The following GOSR2 variants were observed in gnomAD, a reference collection of about 807,000 sequenced individuals.
The protein encoded by GOSR2 is 27 kDa Golgi SNARE protein.
GOSR2 carries 20 observed loss-of-function variants against 27.9 expected under a neutral mutation model. The observed-to-expected ratio is 0.72, with a 90% confidence interval of 0.50 to 1.04. GOSR2 has a LOEUF of 1.04. GOSR2 is among the 50% of genes least tolerant of loss of function. The pLI, the probability that GOSR2 is intolerant of heterozygous loss-of-function variation, is 0.00. For synonymous variants in GOSR2, 91 were observed against 98.8 expected (o/e 0.92, Z 0.47); for missense variants, 261 against 270.5 (o/e 0.97, Z 0.25).
intron 6 of GOSR2, among the ~76,000 whole-genome samples, chr17:46,947,770 GT>G (rs908590717): frequency 2.0e-5 from 3 of 151,550 alleles, no homozygotes; most frequent in East Asian, 1.9e-4. Context: ...ACTAGAAATA[GT>G]TTTTTTTTCT....
rs368766525 is a variant in GOSR2 at position 46,953,579 on chromosome 17, G to T, written c.584-12955G>T. 2.9e-4 allele frequency among the ~76,000 whole-genome samples: 44 copies of T among 152,178 alleles called. No individual in the cohort carries two copies. In the South Asian group the frequency reaches 8.7e-3, roughly 30 times the overall value. On this transcript the variant is annotated intron_variant, in intron 6 of 6. Transcript: ENST00000573224. ...TATATACCCAGTAATGGGATGGCTGGGTCAAATGGTATTTCTAGTTCTAGA... is the reference window on the plus strand; with the variant it reads ...TATATACCCAGTAATGGGATGGCTGTGTCAAATGGTATTTCTAGTTCTAGA...
downstream of GOSR2, among the ~76,000 whole-genome samples, chr17:46,942,876 C>T (rs938246835): frequency 1.3e-5 from 2 of 152,192 alleles, no homozygotes; most frequent in African/African-American, 2.4e-5. Context: ...GCTGGGCCCC[C>T]AAGTGCTGTT....
In GOSR2 at chr17:46,938,963, GC is replaced by G; in HGVS notation, c.*204del. On this transcript the variant is annotated 3_prime_UTR_variant, in exon 6 of 6. Transcript: ENST00000640051. The stretch of plus-strand genomic sequence containing the variant: ...GAGGGGGAGCTAGTGCCACCACCAT[GC>G]GCGGTGCTTAGGAAATGAAAGAAGT... The G allele has an allele frequency of 6.9e-7, 1 of 1,456,728 alleles. No homozygotes were observed. The highest frequency in any genetic ancestry group is 9.1e-7 in the Non-Finnish European group (1 of 1,100,454). 90.2% of individuals were successfully genotyped at this position (1,456,728 alleles called of 1,614,324 possible). A position where few individuals can be genotyped will look rare whatever the true frequency, so the allele number is the denominator to read the frequency against.
intron 1 of GOSR2, among the ~76,000 whole-genome samples, chr17:46,926,105 T>C (rs576311591): frequency 1.4e-4 from 21 of 152,294 alleles, no homozygotes; most frequent in African/African-American, 4.8e-4. Context: ...TAAGAACTGT[T>C]ACCTTATCTC....
intron 6 of GOSR2, among the ~76,000 whole-genome samples, chr17:46,954,018 G>C (rs1480089626): frequency 1.8e-4 from 28 of 152,184 alleles, no homozygotes; most frequent in Non-Finnish European, 3.2e-4. Flanking sequence ...TTCTTTTGCT[G>C]TGCGGAAGCT....
At chr17:46,932,639 G>T (rs1485863588) in intron 4 of GOSR2, 4 of 297,282 alleles carry the variant, frequency 1.3e-5, no homozygotes, top group Non-Finnish European at 2.5e-5. Flanking sequence ...AGATGTTTTT[G>T]CCCCTAGTCT....
chr17:46,944,681 C>A (rs889206302), downstream of GOSR2, among the ~76,000 whole-genome samples: 1 of 151,858 alleles, frequency 6.6e-6, no homozygotes, highest in Non-Finnish European at 1.5e-5. Context: ...CTCACTGCAG[C>A]CTCTGCCTCC....
At chr17:46,967,773 G>A (rs1221265665), downstream of GOSR2, among the ~76,000 whole-genome samples, 1 of 152,172 alleles carries the variant, frequency 6.6e-6, no homozygotes, top group Non-Finnish European at 1.5e-5. Context: ...GCAACATGGT[G>A]CCACCTGTGT....
intron 1 of GOSR2, 164 bp downstream of exon 1, chr17:46,923,385 CA>C (rs1164805751): frequency 2.0e-6 from 3 of 1,465,146 alleles, no homozygotes; most frequent in African/African-American, 1.4e-5. Flanking sequence ...GCGGGACTCC[CA>C]GGTCAGCCAC....
downstream of GOSR2, among the ~76,000 whole-genome samples, chr17:46,945,913 A>G (rs922688748): frequency 2.0e-5 from 3 of 152,204 alleles, no homozygotes; most frequent in Non-Finnish European, 4.4e-5. Flanking sequence ...TGCTATGTGC[A>G]TGGAGTGGGT....
intron 2 of GOSR2, chr17:46,930,663 T>A (rs1005155813): frequency 3.6e-4 from 11 of 30,260 alleles, no homozygotes; most frequent in East Asian, 1.4e-3. Context: ...TTTTTTTTTT[T>A]AAATAAAAAA....
At chr17:46,936,356 C>T (rs1298726461) in intron 5 of GOSR2, 2 of 985,272 alleles carry the variant, frequency 2.0e-6, no homozygotes, top group Non-Finnish European at 2.4e-6. Context: ...GCTAACTTCC[C>T]ACTCAAGTCT....
chr17:46,942,929 C>T (rs751377454), downstream of GOSR2, among the ~76,000 whole-genome samples: 7 of 152,304 alleles, frequency 4.6e-5, no homozygotes, highest in African/African-American at 7.2e-5. Context: ...CATCCCTCCC[C>T]GCCTCATCCC....
chr17:46,935,701 T>C, intron 5 of GOSR2: 2 of 988,636 alleles, frequency 2.0e-6, no homozygotes, highest in East Asian at 1.1e-4. Flanking sequence ...CCCGTGCTGG[T>C]GATCCCAGCG....
At chr17:46,967,355 C>T (rs894109041), downstream of GOSR2, among the ~76,000 whole-genome samples, 3 of 152,232 alleles carry the variant, frequency 2.0e-5, no homozygotes, top group African/African-American at 7.2e-5. Context: ...AGAGTTAATA[C>T]ATGAACAGAG....
intron 6 of GOSR2, among the ~76,000 whole-genome samples, chr17:46,965,593 A>G (rs2091278347): frequency 6.7e-6 from 1 of 150,024 alleles, no homozygotes; most frequent in African/African-American, 2.5e-5. Context: ...CACCCAGGGC[A>G]CCCCTTCTGT....
chr17:46,971,892 C>T (rs932067075), downstream of GOSR2, among the ~76,000 whole-genome samples: 1 of 152,230 alleles, frequency 6.6e-6, no homozygotes, highest in Non-Finnish European at 1.5e-5. Context: ...TCTCCCTCCC[C>T]GGCAAGGGGG....
intron 6 of GOSR2, among the ~76,000 whole-genome samples, chr17:46,953,399 A>G (rs1488468766): frequency 1.3e-5 from 2 of 152,210 alleles, no homozygotes; most frequent in Non-Finnish European, 2.9e-5. Flanking sequence ...ATGGCTGCAT[A>G]GTATTCCGTG....
intron 6 of GOSR2, among the ~76,000 whole-genome samples, chr17:46,960,465 G>A (rs8064568): frequency 0.96 from 145,762 of 152,332 alleles, 70,069 homozygotes; most frequent in East Asian, 1. Flanking sequence ...AGAGCTAAGC[G>A]TGTGCTTCCT....
Sources: allele counts gnomAD v4.1 joint callset (sites outside exome capture counted in the v4.1 genomes callset), GRCh38; gene constraint gnomAD v4.1.1; transcripts MANE v1.5; gene names NCBI Gene and HGNC (gene_info 2026-07-23, HGNC 2026-07-21).